KCNH5: variants seen among roughly 807,000 people sequenced by gnomAD.
The protein encoded by KCNH5 is potassium voltage-gated channel subfamily H member 5.
A neutral mutation model predicts 96.1 loss-of-function variants in KCNH5; 46 were observed. That is an observed-to-expected ratio of 0.48 (90% CI 0.38 to 0.61). The LOEUF is 0.61. Among genes scored for constraint, KCNH5 ranks in the 20% least tolerant of loss-of-function variants. The pLI, the probability that KCNH5 is intolerant of heterozygous loss-of-function variation, is 0.00. For synonymous variants in KCNH5, 439 were observed against 449.8 expected, an observed-to-expected ratio of 0.98 and a Z score of 0.30; for missense variants, 907 against 1,225.8, an observed-to-expected ratio of 0.74 and a Z score of 3.88.
At chr14:63,021,356 T>C (rs1386118940) in intron 1 of KCNH5, among the ~76,000 whole-genome samples, 1 of 152,126 alleles carries the variant, frequency 6.6e-6, no homozygotes, top group Non-Finnish European at 1.5e-5. Flanking sequence ...TATACAAACA[T>C]GTTTCCCATT....
intron 6 of KCNH5, among the ~76,000 whole-genome samples, chr14:62,970,101 C>T (rs140243574): frequency 9.5e-4 from 124 of 130,612 alleles, no homozygotes; most frequent in African/African-American, 1.5e-3. Context: ...GTCAGGCTAA[C>T]GAAACAAGAG....
chr14:62,709,874 T>A (rs1884532453), intron 10 of KCNH5, among the ~76,000 whole-genome samples: 1 of 152,174 alleles, frequency 6.6e-6, no homozygotes, highest in Non-Finnish European at 1.5e-5. Flanking sequence ...AAGAGTTATA[T>A]TAGATAAGGC....
At chr14:62,967,766 T>C (rs111580908) in intron 6 of KCNH5, among the ~76,000 whole-genome samples, 14 of 152,194 alleles carry the variant, frequency 9.2e-5, no homozygotes, top group Non-Finnish European at 2.1e-4. Context: ...GTAACCTCTA[T>C]GCAAGTATTC....
intron 7 of KCNH5, among the ~76,000 whole-genome samples, chr14:62,869,047 T>C (rs1888196663): frequency 6.6e-6 from 1 of 152,242 alleles, no homozygotes; most frequent in Non-Finnish European, 1.5e-5. Context: ...TTTTGGTATG[T>C]ACCCAGTAAT....
intron 7 of KCNH5, among the ~76,000 whole-genome samples, chr14:62,903,772 G>C (rs1285121612): frequency 1.3e-5 from 2 of 152,004 alleles, no homozygotes; most frequent in African/African-American, 4.8e-5. Flanking sequence ...ATAATGAATA[G>C]ATATAGATGA....
chr14:62,958,686 T>C (rs1389368150), intron 6 of KCNH5, among the ~76,000 whole-genome samples: 1 of 152,158 alleles, frequency 6.6e-6, no homozygotes, highest in Non-Finnish European at 1.5e-5. Flanking sequence ...TTGCTTAGCA[T>C]CACTGTCTCT....
At chr14:62,929,542 C>T (rs537865250) in intron 7 of KCNH5, among the ~76,000 whole-genome samples, 1 of 152,196 alleles carries the variant, frequency 6.6e-6, no homozygotes, top group Non-Finnish European at 1.5e-5. Flanking sequence ...CTTCGTCCTG[C>T]ACTATTTTCT....
At chr14:62,752,659 T>C (rs1312252116) in intron 10 of KCNH5, among the ~76,000 whole-genome samples, 2 of 152,086 alleles carry the variant, frequency 1.3e-5, no homozygotes, top group Non-Finnish European at 2.9e-5. Context: ...TTATCTCAAA[T>C]TGTAAACCCC....
At chr14:63,000,944 G>A (rs760390508) in intron 4 of KCNH5, among the ~76,000 whole-genome samples, 13 of 152,102 alleles carry the variant, frequency 8.5e-5, no homozygotes, top group South Asian at 2.1e-4. Flanking sequence ...GTATGGTGGC[G>A]CACACCTATA....
chr14:62,766,686 G>A (rs949621402), intron 10 of KCNH5, among the ~76,000 whole-genome samples: 2 of 152,150 alleles, frequency 1.3e-5, no homozygotes, highest in Non-Finnish European at 2.9e-5. Context: ...AAACTGGGAT[G>A]GGTGGTGGGG....
intron 7 of KCNH5, among the ~76,000 whole-genome samples, chr14:62,878,644 G>T (rs1221706276): frequency 6.6e-6 from 1 of 152,094 alleles, no homozygotes; most frequent in African/African-American, 2.4e-5. Flanking sequence ...AATTTAAAAT[G>T]AGCAAAAAGT....
At chr14:62,789,035 T>C (rs1390362289) in intron 9 of KCNH5, among the ~76,000 whole-genome samples, 1 of 152,090 alleles carries the variant, frequency 6.6e-6, no homozygotes, top group Admixed American at 6.6e-5. Flanking sequence ...AAAATATTCA[T>C]CCTACATGTG....
At chr14:62,935,984 T>C (rs1889672428) in intron 7 of KCNH5, among the ~76,000 whole-genome samples, 1 of 152,064 alleles carries the variant, frequency 6.6e-6, no homozygotes, top group African/African-American at 2.4e-5. Flanking sequence ...ACGACAGCAA[T>C]GCAGTAACAT....
chr14:62,841,100 TA>T (rs201480346), intron 8 of KCNH5, among the ~76,000 whole-genome samples: 30 of 150,496 alleles, frequency 2.0e-4, no homozygotes, highest in East Asian at 9.7e-4. Context: ...TCATTACCAT[TA>T]AAAAAAAATC....
intron 9 of KCNH5, among the ~76,000 whole-genome samples, chr14:62,798,007 A>G (rs1405744674): frequency 6.6e-6 from 1 of 152,134 alleles, no homozygotes; most frequent in African/African-American, 2.4e-5. Flanking sequence ...ATGAGCCACC[A>G]TGCCCAGCCT....
At position 62,834,103 on chromosome 14, in the gene KCNH5, T is replaced by G. The variant is rs150734906; in HGVS notation, c.1569+15550A>C. On this transcript the variant is annotated intron_variant, in intron 8 of 10. Coordinates refer to ENST00000322893, the MANE Select transcript of KCNH5 (RefSeq NM_139318.5). ...CAAGGCAGTTTTTCATTTTCTCTCG[T>G]GGCTTTTATAAAATCAAACAATTCA... Among the ~76,000 whole-genome samples, 1,452 of 152,162 alleles carry G rather than the reference T, an allele frequency of 9.5e-3. 20 individuals are homozygous for G. Among genetic ancestry groups the G allele is most frequent in the Middle Eastern group, 0.048 (14 of 294 alleles).
chr14:62,789,304 C>T (rs565695123), intron 9 of KCNH5, among the ~76,000 whole-genome samples: 84 of 151,962 alleles, frequency 5.5e-4, no homozygotes, highest in Middle Eastern at 6.8e-3. Context: ...CATATACATA[C>T]TACATTTTCT....
In KCNH5 at chr14:62,705,437, A is replaced by C. The variant is rs1884411188; in HGVS notation, c.*2071T>G. On this transcript the variant is annotated 3_prime_UTR_variant, in exon 11 of 11. Transcript: ENST00000322893. ...AAATGTCAGAGGTCACGAAAAAGAT[A>C]TCATCCTCACCATGAAAGCAACAAA... is the stretch of plus-strand genomic sequence containing the variant. 1 of 152,060 alleles carries C rather than the reference A, an allele frequency of 6.6e-6. No individual in the cohort carries two copies. Among genetic ancestry groups the C allele is most frequent in the Admixed American group, 6.5e-5 (1 of 15,268 alleles). 9.4% of individuals were successfully genotyped at this position (152,060 alleles called of 1,614,324 possible).
intron 7 of KCNH5, among the ~76,000 whole-genome samples, chr14:62,912,037 C>CAAAAA (rs1163755853): frequency 2.4e-3 from 191 of 79,322 alleles, no homozygotes; most frequent in Non-Finnish European, 2.8e-3. Flanking sequence ...GACTCCTAAT[C>CAAAAA]AAAAAAAAAA....
Sources: gnomAD v4.1 joint callset for allele counts (sites outside exome capture counted in the v4.1 genomes callset) on GRCh38, gnomAD v4.1.1 for gene constraint, MANE v1.5 for transcripts, NCBI Gene and HGNC (gene_info 2026-07-23, HGNC 2026-07-21) for gene names.